NT5DC1: variants seen among roughly 807,000 people sequenced by gnomAD.
NT5DC1 encodes 5'-nucleotidase domain-containing protein 1.
A neutral mutation model predicts 59.4 loss-of-function variants in NT5DC1; 42 were observed. That is an observed-to-expected ratio of 0.71 (90% confidence interval 0.55 to 0.92). NT5DC1 has a LOEUF of 0.92. Ranked by LOEUF, NT5DC1 falls within the 40% of genes least tolerant of loss-of-function variation. The pLI is 0.00. For missense variants in NT5DC1, 501 were observed against 537.1 expected (o/e 0.93, Z 0.66); for synonymous variants, 172 against 188.1 (o/e 0.91, Z 0.70).
rs1771882234 is a variant in NT5DC1 at position 116,247,991 on chromosome 6, G to C, written c.*3967G>C. 6.6e-6 allele frequency: 1 copy of C among 152,276 alleles called. No homozygotes were observed. Among genetic ancestry groups the C allele is most frequent in the East Asian group, 1.9e-4 (1 of 5,184 alleles). The allele number at this position is 152,276 out of a possible 1,614,324, so 9.4% of individuals were successfully genotyped here. ...CAAGGTTACATAAGTAAATTCAAAT[G>C]TGTCAATCTGTAACTGTATGGAGTC... On this transcript the variant is annotated 3_prime_UTR_variant, in exon 12 of 12. Transcript: ENST00000319550.
chr6:116,145,681 C>T (rs183613713), intron 6 of NT5DC1, among the ~76,000 whole-genome samples: 13 of 152,288 alleles, frequency 8.5e-5, no homozygotes, highest in African/African-American at 2.9e-4. Flanking sequence ...ATCTGAAAAT[C>T]AAATTTGTAT....
intron 6 of NT5DC1, chr6:116,125,776 G>A: frequency 3.3e-6 from 1 of 299,018 alleles, no homozygotes; most frequent in South Asian, 3.5e-5. Flanking sequence ...TTGGATGTCT[G>A]TATTAAATAA....
intron 6 of NT5DC1, among the ~76,000 whole-genome samples, chr6:116,148,090 G>T (rs1218452890): frequency 1.3e-5 from 2 of 152,052 alleles, no homozygotes; most frequent in African/African-American, 4.8e-5. Context: ...AGAGTAGATG[G>T]TATACAGCAT....
intron 6 of NT5DC1, 71 bp downstream of exon 6, chr6:116,118,016 A>AAGTAGG (rs1188509704): frequency 1.1e-5 from 9 of 810,362 alleles, no homozygotes; most frequent in Non-Finnish European, 1.8e-5. Flanking sequence ...ATTAGCTGAA[A>AAGTAGG]AGTAGGTACT....
rs182519906 is a variant in NT5DC1 at position 116,233,916 on chromosome 6, C to T, written c.803-3050C>T. Among the ~76,000 whole-genome samples the T allele has an allele frequency of 3.3e-3, 501 of 151,680 alleles. 15 individuals are homozygous for T. The South Asian group carries it at 0.047, about 14-fold the overall frequency. ...AGCAAATTATCATCACCATCTATCC[C>T]CTTTGTCTTCTTTATTTTTTTCTAT... On this transcript the variant is annotated intron_variant, in intron 8 of 11. Transcript: ENST00000319550.
At chr6:116,108,573 T>C in intron 3 of NT5DC1, 138 bp downstream of exon 3, 3 of 606,768 alleles carry the variant, frequency 4.9e-6, no homozygotes, top group Non-Finnish European at 8.8e-6. Context: ...TCTACATGTC[T>C]TTGTATGAAT....
At chr6:116,107,628 A>C (rs1192095659) in intron 2 of NT5DC1, among the ~76,000 whole-genome samples, 3 of 150,998 alleles carry the variant, frequency 2.0e-5, no homozygotes, top group Non-Finnish European at 4.4e-5. Context: ...GCTGGAGTGC[A>C]GTGGCGCGAT....
chr6:116,196,091 G>A (rs1484756821), intron 6 of NT5DC1, among the ~76,000 whole-genome samples: 1 of 151,966 alleles, frequency 6.6e-6, no homozygotes. Context: ...CTGACATTCT[G>A]TTATTTCCTG....
intron 6 of NT5DC1, among the ~76,000 whole-genome samples, chr6:116,144,082 A>G (rs1417777934): frequency 6.6e-6 from 1 of 152,190 alleles, no homozygotes; most frequent in Non-Finnish European, 1.5e-5. Flanking sequence ...GAGGATATTC[A>G]GAGTTCATGT....
chr6:116,150,347 A>G (rs1435640358), intron 6 of NT5DC1, among the ~76,000 whole-genome samples: 1 of 152,030 alleles, frequency 6.6e-6, no homozygotes, highest in Non-Finnish European at 1.5e-5. Context: ...ATGCAGTGGC[A>G]TGTCTTGGCT....
chr6:116,211,206 A>C (rs1475584866), intron 6 of NT5DC1, among the ~76,000 whole-genome samples: 2 of 152,058 alleles, frequency 1.3e-5, no homozygotes, highest in Non-Finnish European at 2.9e-5. Flanking sequence ...TCACCGTTCC[A>C]GCCAGCCCAG....
intron 6 of NT5DC1, among the ~76,000 whole-genome samples, chr6:116,171,344 T>G (rs529916517): frequency 6.6e-6 from 1 of 152,348 alleles, no homozygotes; most frequent in South Asian, 2.1e-4. Flanking sequence ...TTGTGGATTT[T>G]GAGACCAGGA....
intron 6 of NT5DC1, among the ~76,000 whole-genome samples, chr6:116,159,783 C>T (rs1562144099): frequency 6.6e-6 from 1 of 152,160 alleles, no homozygotes; most frequent in Non-Finnish European, 1.5e-5. Flanking sequence ...TTCCCCCAGC[C>T]CCCACCTTTT....
At chr6:116,116,023 A>T (rs1778956734) in intron 5 of NT5DC1, among the ~76,000 whole-genome samples, 1 of 152,176 alleles carries the variant, frequency 6.6e-6, no homozygotes, top group South Asian at 2.1e-4. Context: ...AGAAAAAGAA[A>T]AGAAATACAG....
chr6:116,156,301 G>A (rs1780192135), intron 6 of NT5DC1, among the ~76,000 whole-genome samples: 1 of 151,974 alleles, frequency 6.6e-6, no homozygotes, highest in Admixed American at 6.6e-5. Context: ...CTTTGTTTTT[G>A]GAGTTAAAAA....
At position 116,108,439 on chromosome 6, in the gene NT5DC1, A is replaced by G; in HGVS notation, c.257+4A>G. ...CAAATAATGGCACTGTTCTCAGGTA[A>G]TAAAACTTAGTTGTGAAGTCTAAAC... On this transcript the variant is annotated splice_donor_region_variant and intron_variant, in intron 3 of 11. Transcript: ENST00000319550. The G allele has an allele frequency of 6.3e-7, 1 of 1,581,352 alleles. No individual in the cohort carries two copies. Among genetic ancestry groups the G allele is most frequent in the Non-Finnish European group, 8.7e-7 (1 of 1,150,274 alleles).
intron 6 of NT5DC1, among the ~76,000 whole-genome samples, chr6:116,131,606 T>C (rs1425991581): frequency 2.0e-5 from 3 of 152,186 alleles, no homozygotes; most frequent in Non-Finnish European, 4.4e-5. Context: ...AGATGCACCA[T>C]AGTTTTTTCA....
intron 3 of NT5DC1, among the ~76,000 whole-genome samples, chr6:116,110,537 C>G (rs1432429951): frequency 6.6e-6 from 1 of 152,114 alleles, no homozygotes; most frequent in African/African-American, 2.4e-5. Context: ...TCTAATTGCT[C>G]CAGGTATGTT....
At chr6:116,115,122 G>A (rs778804933) in intron 4 of NT5DC1, among the ~76,000 whole-genome samples, 1 of 152,198 alleles carries the variant, frequency 6.6e-6, no homozygotes, top group African/African-American at 2.4e-5. Flanking sequence ...TCTCTTCCAC[G>A]AAATCTTGGA....
Sources: allele counts gnomAD v4.1 joint callset (sites outside exome capture counted in the v4.1 genomes callset), GRCh38; gene constraint gnomAD v4.1.1; transcripts MANE v1.5; gene names NCBI Gene and HGNC (gene_info 2026-07-23, HGNC 2026-07-21).